Variants in VAX2 observed in about 807,000 individuals in gnomAD.
The protein encoded by VAX2 is ventral anterior homeobox 2.
Under a neutral mutation model 12.5 loss-of-function variants are expected in VAX2, and 8 were observed. The ratio of observed to expected loss-of-function variants is 0.64; its 90% CI spans 0.37 to 1.15. VAX2 has a LOEUF of 1.15. Ranked by LOEUF, VAX2 falls within the 50% of genes most tolerant of loss-of-function variation. VAX2 has a pLI of 0.01. For synonymous variants in VAX2, 183 were observed against 187.6 expected (o/e 0.98, Z 0.20); for missense variants, 476 against 412.9 (o/e 1.15, Z -1.32).
At chr2:70,926,515 T>G (rs1015246654) in intron 2 of VAX2, among the ~76,000 whole-genome samples, 1 of 152,080 alleles carries the variant, frequency 6.6e-6, no homozygotes, top group African/African-American at 2.4e-5. Context: ...AAAGAAAGTT[T>G]GGTGTTTGAT....
chr2:70,914,803 ATTT>A (rs34964280), intron 1 of VAX2, among the ~76,000 whole-genome samples: 7 of 140,636 alleles, frequency 5.0e-5, no homozygotes, highest in Admixed American at 7.1e-5. Context: ...ATTTACTTAA[ATTT>A]TTTTTTTTTT....
chr2:70,912,661 CA>C (rs1310205939), intron 1 of VAX2, among the ~76,000 whole-genome samples: 2 of 151,506 alleles, frequency 1.3e-5, no homozygotes, highest in Non-Finnish European at 2.9e-5. Flanking sequence ...GACTCCGTTT[CA>C]AAAAAAAGTC....
intron 1 of VAX2, among the ~76,000 whole-genome samples, chr2:70,909,332 GCTTTAATTTTTTATTTATTTT>G (rs1679133232): frequency 6.6e-6 from 1 of 151,570 alleles, no homozygotes; most frequent in African/African-American, 2.4e-5. Context: ...TGCTGGCCTA[GCTTTAATTTTTTATTTATTTT>G]CTTTAATTTT....
At chr2:70,932,713 A>C (rs1679722439) in intron 2 of VAX2, 54 bp from the exon 3 acceptor site, 76 of 954,670 alleles carry the variant, frequency 8.0e-5, no homozygotes, top group South Asian at 3.9e-4. Context: ...ACCTGCCCCC[A>C]CTTTGCTTTG....
intron 1 of VAX2, among the ~76,000 whole-genome samples, chr2:70,917,151 C>CAAAAAAAA (rs55909927): frequency 1.2e-5 from 1 of 82,678 alleles, no homozygotes; most frequent in African/African-American, 5.3e-5. Context: ...AACTCTGTCT[C>CAAAAAAAA]AAAAAAAAAA....
intron 1 of VAX2, among the ~76,000 whole-genome samples, chr2:70,915,643 G>T (rs1013940948): frequency 2.6e-4 from 40 of 152,146 alleles, no homozygotes; most frequent in Admixed American, 2.3e-3. Flanking sequence ...CTATGATTTG[G>T]TCTTTAATCC....
chr2:70,903,418 A>G (rs1294049474), intron 1 of VAX2, among the ~76,000 whole-genome samples: 1 of 152,044 alleles, frequency 6.6e-6, no homozygotes, highest in African/African-American at 2.4e-5. Context: ...CTAAGGGCAT[A>G]CCACAGGGGG....
chr2:70,902,775 C>A (rs1161834472), intron 1 of VAX2, among the ~76,000 whole-genome samples: 2 of 152,222 alleles, frequency 1.3e-5, no homozygotes, highest in African/African-American at 4.8e-5. Flanking sequence ...GCCACCCAAG[C>A]TGGGAGCAAT....
chr2:70,912,854 C>T (rs1487411685), intron 1 of VAX2, among the ~76,000 whole-genome samples: 2 of 150,830 alleles, frequency 1.3e-5, no homozygotes, highest in African/African-American at 2.5e-5. Context: ...AGCAAAGGCT[C>T]TTGGGCAGAA....
chr2:70,900,900 G>T, intron 1 of VAX2, 32 bp downstream of exon 1: 1 of 1,333,082 alleles, frequency 7.5e-7, no homozygotes. Flanking sequence ...CTGCTCCACT[G>T]GACCCTCACC....
At chr2:70,925,408 G>T (rs1679545727) in intron 2 of VAX2, among the ~76,000 whole-genome samples, 1 of 152,182 alleles carries the variant, frequency 6.6e-6, no homozygotes, top group African/African-American at 2.4e-5. Context: ...CCCAGGGCAA[G>T]GGAAAGGAAG....
At chr2:70,928,814 C>G (rs1441316725) in intron 2 of VAX2, among the ~76,000 whole-genome samples, 2 of 152,222 alleles carry the variant, frequency 1.3e-5, no homozygotes, top group African/African-American at 4.8e-5. Context: ...ACAGAGAAAG[C>G]CAGCGATAAA....
chr2:70,900,826 G>A lies in VAX2; in HGVS notation c.205G>A (p.Gly69Arg). 2 of 1,477,794 alleles carry A rather than the reference G, an allele frequency of 1.4e-6. No homozygotes were observed. The highest frequency in any genetic ancestry group is 1.8e-6 in the Non-Finnish European group (2 of 1,114,900). The allele number at this position is 1,477,794 out of a possible 1,614,324, so 91.5% of individuals were successfully genotyped here. The part of the protein sequence containing the change: ...ESGADSDGQP[G>R]PGEADHCRRI... ...TGGAGCCGACAGCGACGGGCAGCCC[G>A]GGCCCGGCGAGGCAGACCACTGCCG... The change falls in exon 1 of 3, where the codon GGG (glycine) becomes AGG (arginine). Residue 69 changes from glycine (G) to arginine (R), a missense_variant. Physicochemically the swap from Gly to Arg is moderately radical, Grantham distance 125. Coordinates refer to ENST00000234392, the MANE Select transcript of VAX2 (RefSeq NM_012476.3).
chr2:70,921,308 C>T, intron 2 of VAX2, 23 bp downstream of exon 2: 1 of 1,566,378 alleles, frequency 6.4e-7, no homozygotes, highest in Non-Finnish European at 8.6e-7. Context: ...GGCCAGGCCA[C>T]TCCACTCTTG....
intron 1 of VAX2, 30 bp from the exon 2 acceptor site, chr2:70,921,068 C>A: frequency 1.3e-6 from 2 of 1,527,890 alleles, no homozygotes; most frequent in Non-Finnish European, 8.8e-7. Flanking sequence ...AGCTAATGAA[C>A]TAAGCTGGCT....
In VAX2 at chr2:70,927,776, C is replaced by T. The variant is rs192197001; in HGVS notation, c.436-4991C>T. 1.4e-3 allele frequency among the ~76,000 whole-genome samples: 218 copies of T among 152,122 alleles called. 1 individual carries two copies. Among genetic ancestry groups the T allele is most frequent in the African/African-American group, 5.1e-3 (210 of 41,490 alleles). ...AAAGAAATCAGGGAGGGGGCAGTGCCATGGGTCACAGTGTGGCCCAGCAAG... is the reference window on the plus strand; with the variant it reads ...AAAGAAATCAGGGAGGGGGCAGTGCTATGGGTCACAGTGTGGCCCAGCAAG... On this transcript the variant is annotated intron_variant, in intron 2 of 2. Coordinates refer to ENST00000234392, the MANE Select transcript of VAX2 (RefSeq NM_012476.3).
chr2:70,910,970 A>C (rs1679169663), intron 1 of VAX2, among the ~76,000 whole-genome samples: 1 of 152,086 alleles, frequency 6.6e-6, no homozygotes, highest in Admixed American at 6.5e-5. Context: ...AAAACATTAT[A>C]TATGCATACA....
At chr2:70,915,914 A>G (rs2104770047) in intron 1 of VAX2, among the ~76,000 whole-genome samples, 1 of 152,194 alleles carries the variant, frequency 6.6e-6, no homozygotes, top group South Asian at 2.1e-4. Flanking sequence ...TTAATATTCC[A>G]TTTATTTTCT....
At chr2:70,919,337 C>G (rs1679396522) in intron 1 of VAX2, among the ~76,000 whole-genome samples, 2 of 120,280 alleles carry the variant, frequency 1.7e-5, no homozygotes, top group Non-Finnish European at 3.3e-5. Context: ...ACTCCATTTC[C>G]TCATCTGTAA....
Sources: allele counts gnomAD v4.1 joint callset (sites outside exome capture counted in the v4.1 genomes callset), GRCh38; gene constraint gnomAD v4.1.1; transcripts MANE v1.5; gene names NCBI Gene and HGNC (gene_info 2026-07-23, HGNC 2026-07-21).